Variants in MYO9B observed in about 807,000 individuals in gnomAD.
MYO9B encodes the protein unconventional myosin-IXb.
Under a neutral mutation model 229.5 loss-of-function variants are expected in MYO9B, and 71 were observed. That is an observed-to-expected ratio of 0.31 (90% CI 0.26 to 0.38). MYO9B has a LOEUF of 0.38. Among genes scored for constraint, MYO9B ranks in the 10% least tolerant of loss-of-function variants. The pLI is 1.00. For synonymous variants in MYO9B, 1,185 were observed against 1,235.8 expected (o/e 0.96, Z 0.86); for missense variants, 2,255 against 2,920.5 (o/e 0.77, Z 5.25).
At chr19:17,201,257 G>A (rs1458103714) in intron 26 of MYO9B, among the ~76,000 whole-genome samples, 1 of 151,468 alleles carries the variant, frequency 6.6e-6, no homozygotes, top group African/African-American at 2.4e-5. Context: ...TGCATATTTG[G>A]TCTCAAAGCA....
Position 17,206,110 on chromosome 19 carries a change from G to A in MYO9B, c.5215G>A (p.Ala1739Thr). The change falls in exon 32 of 40, where the codon GCT becomes ACT. Residue 1739 changes from alanine (A) to threonine (T), a missense_variant. By Grantham distance (58) the Ala-to-Thr change is moderately conservative (BLOSUM62 0). Coordinates refer to ENST00000682292, the MANE Select transcript of MYO9B (RefSeq NM_004145.4). The part of the protein sequence containing the change: ...YTEGLYRKSG[A>T]ANRTRELRQA... ...CGAGGGCCTCTACCGCAAGTCGGGT[G>A]CTGCCAACCGCACTCGGGAGCTCCG... 2 of 1,606,956 alleles carry A rather than the reference G, an allele frequency of 1.2e-6. No individual in the cohort carries two copies. Among genetic ancestry groups the A allele is most frequent in the East Asian group, 2.2e-5 (1 of 44,646 alleles).
In MYO9B at chr19:17,195,275, G is replaced by C. The variant is rs774461849; in HGVS notation, c.3848G>C (p.Arg1283Thr). 2.5e-6 allele frequency: 4 copies of C among 1,612,464 alleles called. 1 individual carries two copies. In the Admixed American group the frequency reaches 6.7e-5, roughly 27 times the overall value. The change falls in exon 22 of 40, where the codon AGG (arginine) becomes ACG (threonine). Residue 1283 changes from arginine (R) to threonine (T), a missense_variant. Arg to Thr is a moderately conservative substitution (Grantham distance 71). Transcript: ENST00000682292. The surrounding 1 kb of genome is among the most constrained non-coding windows in gnomAD (Gnocchi z 4.5). ...AAGAGCAAACCATGTGGCAGCCCAA[G>C]GGTTCAGGAAAAGCCCGACAGCCCC... ...EDKSKPCGSP[R>T]VQEKPDSPGG... is the part of the protein sequence containing the mutation.
At chr19:17,166,188 G>A (rs1455338663) in intron 10 of MYO9B, among the ~76,000 whole-genome samples, 1 of 152,100 alleles carries the variant, frequency 6.6e-6, no homozygotes, top group Non-Finnish European at 1.5e-5. Context: ...GGTCACAGGT[G>A]TGTGCCACCA....
At chr19:17,174,546 A>C (rs1033418476) in intron 13 of MYO9B, among the ~76,000 whole-genome samples, 7 of 152,184 alleles carry the variant, frequency 4.6e-5, no homozygotes, top group Non-Finnish European at 8.8e-5. Context: ...CTGAGGTAGG[A>C]GAATCGCTTG....
At chr19:17,165,916 G>A (rs1447800703) in intron 10 of MYO9B, among the ~76,000 whole-genome samples, 1 of 152,184 alleles carries the variant, frequency 6.6e-6, no homozygotes, top group Non-Finnish European at 1.5e-5. Flanking sequence ...ATAGCCTTTG[G>A]TTTGCATTAT....
chr19:17,198,734 CAAAAAAAAAA>C lies in MYO9B; in HGVS notation c.4238+440_4238+449del, dbSNP rs59292415. 1.4e-3 allele frequency among the ~76,000 whole-genome samples: 59 copies of C among 41,212 alleles called. 1 individual carries two copies. Among genetic ancestry groups the C allele is most frequent in the African/African-American group, 5.5e-3 (59 of 10,816 alleles). 27.0% of individuals were successfully genotyped at this position (41,212 alleles called of 152,430 possible). On this transcript the variant is annotated intron_variant, in intron 24 of 39. Transcript: ENST00000682292. ...TGGGTGACAGAGGGAGACTCCGTCT[CAAAAAAAAAA>C]AAAAAAAAAAAAAGCCTCTAGGGCA...
intron 2 of MYO9B, among the ~76,000 whole-genome samples, chr19:17,120,377 T>C (rs1412298077): frequency 6.6e-6 from 1 of 152,212 alleles, no homozygotes; most frequent in African/African-American, 2.4e-5. Flanking sequence ...CCATTCAGGC[T>C]CACATCTGTA....
At chr19:17,118,328 G>A (rs1419773996) in intron 2 of MYO9B, among the ~76,000 whole-genome samples, 3 of 151,928 alleles carry the variant, frequency 2.0e-5, no homozygotes, top group African/African-American at 7.3e-5. Flanking sequence ...GAGGCCGGGA[G>A]CCATGGCTCA....
rs527762561 is a variant in MYO9B, at chr19:17,209,456, C to T, written c.5625-130C>T. The T allele has an allele frequency of 1.4e-5, 13 of 932,876 alleles. No homozygotes were observed. In the East Asian group the frequency reaches 1.6e-4, roughly 11 times the overall value. 57.8% of individuals were successfully genotyped at this position (932,876 alleles called of 1,614,324 possible). A position where few individuals can be genotyped will look rare whatever the true frequency, so the allele number is the denominator to read the frequency against. On this transcript the variant is annotated intron_variant, in intron 35 of 39. Transcript: ENST00000682292. ...CACACTGCATGGGAGCTGGCACAGC[C>T]GTGTCCCAGGCACTGCTTGGTCTCT...
chr19:17,186,262 C>A (rs915236809), intron 18 of MYO9B, among the ~76,000 whole-genome samples: 1 of 152,140 alleles, frequency 6.6e-6, no homozygotes, highest in African/African-American at 2.4e-5. Context: ...CAGATACATC[C>A]CAAAGAGTAG....
chr19:17,098,648 G>T (rs1237376478), intron 1 of MYO9B, among the ~76,000 whole-genome samples: 1 of 152,098 alleles, frequency 6.6e-6, no homozygotes, highest in Non-Finnish European at 1.5e-5. Context: ...AATAAACTTG[G>T]CCGGGCACAG....
intron 2 of MYO9B, among the ~76,000 whole-genome samples, chr19:17,117,245 A>G (rs1174729003): frequency 4.6e-5 from 7 of 152,050 alleles, no homozygotes; most frequent in South Asian, 4.2e-4. Context: ...CTGGCTGCCA[A>G]TTTGTTTCCT....
chr19:17,156,150 G>A (rs899348348), intron 6 of MYO9B, among the ~76,000 whole-genome samples: 3 of 152,162 alleles, frequency 2.0e-5, no homozygotes, highest in African/African-American at 7.2e-5. Flanking sequence ...CAGGACAGTG[G>A]TTCCTCTGGT....
intron 10 of MYO9B, among the ~76,000 whole-genome samples, chr19:17,164,417 G>C (rs1052629907): frequency 6.7e-6 from 1 of 150,134 alleles, no homozygotes; most frequent in African/African-American, 2.5e-5. Context: ...GTCTGGCTCT[G>C]TTGCCCAGGC....
In MYO9B at chr19:17,172,125, T is replaced by C. The variant is rs1344307746; in HGVS notation, c.1794-211T>C. 6.6e-6 allele frequency among the ~76,000 whole-genome samples: 1 copy of C among 152,054 alleles called. No individual in the cohort carries two copies. Among genetic ancestry groups the C allele is most frequent in the Non-Finnish European group, 1.5e-5 (1 of 67,994 alleles). ...GCAGCGTCCCAGCCCTCTGCCAGCA[T>C]GTTCGGCATGAGGCAGGCAGGCGCA... is the stretch of plus-strand genomic sequence containing the variant. On this transcript the variant is annotated intron_variant, in intron 11 of 39. Coordinates refer to ENST00000682292, the MANE Select transcript of MYO9B (RefSeq NM_004145.4). The surrounding 1 kb of genome is among the most constrained non-coding windows in gnomAD (Gnocchi z 8.2).
chr19:17,195,300 C>G lies in MYO9B; in HGVS notation c.3873C>G (p.Pro1291=), dbSNP rs577152918. 52 of 1,612,582 alleles carry G rather than the reference C, an allele frequency of 3.2e-5. No individual in the cohort carries two copies. In the South Asian group the frequency reaches 5.1e-4, roughly 16 times the overall value. Residue 1291 remains proline, a synonymous_variant, in exon 22 of 40, where the codon CCC becomes CCG. Transcript: ENST00000682292. This position sits in a 1 kb window ranked among gnomAD's most constrained non-coding sequence, Gnocchi z 4.5. ...SPRVQEKPDS[P]GGSTQIQRYL... ...GGGTTCAGGAAAAGCCCGACAGCCC[C>G]GGAGGCTCCACGCAGATCCAGCGGT...
At chr19:17,204,191 C>G (rs762824752) in intron 30 of MYO9B, among the ~76,000 whole-genome samples, 68 of 152,006 alleles carry the variant, frequency 4.5e-4, no homozygotes, top group Non-Finnish European at 8.1e-4. Flanking sequence ...TCCATCCTTG[C>G]CAGGTGCCAG....
chr19:17,197,969 G>A (rs1452499259), intron 23 of MYO9B, 111 bp downstream of exon 23: 43 of 1,438,288 alleles, frequency 3.0e-5, no homozygotes, highest in Middle Eastern at 4.9e-4. Context: ...CGAGAGAATC[G>A]CTTGAACGCA....
intron 14 of MYO9B, among the ~76,000 whole-genome samples, chr19:17,180,232 C>CAATAAATAAATAAATA (rs80341285): frequency 2.5e-3 from 369 of 147,088 alleles, no homozygotes; most frequent in African/African-American, 8.7e-3. Flanking sequence ...GACTCCGTCT[C>CAATAAATAAATAAATA]AATAAATAAA....
Sources: gnomAD v4.1 joint callset for allele counts (sites outside exome capture counted in the v4.1 genomes callset) on GRCh38, gnomAD v4.1.1 for gene constraint, Gnocchi (gnomAD v3.1) non-coding constraint, MANE v1.5 for transcripts, NCBI Gene and HGNC (gene_info 2026-07-23, HGNC 2026-07-21) for gene names.